The following BNC2 variants were observed in gnomAD, a reference collection of about 807,000 sequenced individuals.
BNC2 encodes the protein basonuclin zinc finger protein 2.
A neutral mutation model predicts 76.3 loss-of-function variants in BNC2; 20 were observed. That is an observed-to-expected ratio of 0.26 (90% confidence interval 0.18 to 0.38). BNC2 has a LOEUF of 0.38. BNC2 is among the 10% of genes least tolerant of loss of function. The pLI is 1.00. For missense variants in BNC2, 1,382 were observed against 1,399.8 expected, an observed-to-expected ratio of 0.99 and a Z score of 0.20; for synonymous variants, 582 against 514.8, an observed-to-expected ratio of 1.13 and a Z score of -1.77.
intron 3 of BNC2, among the ~76,000 whole-genome samples, chr9:16,603,624 C>G (rs1326850456): frequency 3.9e-5 from 6 of 152,144 alleles, no homozygotes; most frequent in African/African-American, 1.4e-4. Context: ...AGCATCCTTT[C>G]TGGTCTAAGA....
At chr9:16,678,374 T>G (rs1282677330) in intron 3 of BNC2, among the ~76,000 whole-genome samples, 2 of 139,406 alleles carry the variant, frequency 1.4e-5, no homozygotes, top group Non-Finnish European at 3.1e-5. Context: ...TGCCTCCCAA[T>G]TCTCGTGCCT....
rs1356965549 is a variant in BNC2, at chr9:16,411,386, C to T, written c.*7603G>A. 2.0e-5 allele frequency: 3 copies of T among 152,506 alleles called. No homozygotes were observed. Among genetic ancestry groups the T allele is most frequent in the African/African-American group, 7.2e-5 (3 of 41,404 alleles). 9.4% of individuals were successfully genotyped at this position (152,506 alleles called of 1,614,324 possible). ...CTTAAAATACTTCTTTCTGCTCTTCCTTCCCTTCAAAGATTCTTTTTTAAA... is the reference window on the plus strand; with the variant it reads ...CTTAAAATACTTCTTTCTGCTCTTCTTTCCCTTCAAAGATTCTTTTTTAAA... On this transcript the variant is annotated 3_prime_UTR_variant, in exon 7 of 7. Transcript: ENST00000380672.
intron 1 of BNC2, among the ~76,000 whole-genome samples, chr9:16,831,836 C>T (rs1818584654): frequency 6.6e-6 from 1 of 152,168 alleles, no homozygotes; most frequent in African/African-American, 2.4e-5. Flanking sequence ...CATAGAGACT[C>T]TCCCTAATGC....
rs1290582125 is a variant in BNC2 at position 16,550,325 on chromosome 9, C to T, written c.669+2205G>A. On this transcript the variant is annotated intron_variant, in intron 5 of 6. Transcript: ENST00000380672. Reference sequence around the variant, plus strand: ...TTATGTGTGGCCCAAAACAATTCTTCTTCCAATGTGGCCCAGGAAGCCAAA... The same window carrying T: ...TTATGTGTGGCCCAAAACAATTCTTTTTCCAATGTGGCCCAGGAAGCCAAA... 3.3e-4 allele frequency among the ~76,000 whole-genome samples: 50 copies of T among 152,166 alleles called. 3 individuals are homozygous for T. The highest frequency in any genetic ancestry group is 3.3e-3 in the Admixed American group (50 of 15,284).
chr9:16,749,794 C>T (rs1041535815), intron 1 of BNC2, among the ~76,000 whole-genome samples: 2 of 151,896 alleles, frequency 1.3e-5, no homozygotes, highest in African/African-American at 2.4e-5. Flanking sequence ...GATTAGAAAG[C>T]GTATATACAG....
intron 5 of BNC2, among the ~76,000 whole-genome samples, chr9:16,524,443 A>C (rs1031516642): frequency 5.9e-5 from 9 of 152,130 alleles, no homozygotes; most frequent in Non-Finnish European, 8.8e-5. Flanking sequence ...CCCTAAGGAA[A>C]TTTAGAAGGA....
chr9:16,790,468 T>C (rs1044850934), intron 1 of BNC2, among the ~76,000 whole-genome samples: 3 of 152,176 alleles, frequency 2.0e-5, no homozygotes, highest in Non-Finnish European at 4.4e-5. Flanking sequence ...TATTTATTTA[T>C]AAAAAACTGT....
At chr9:16,554,345 T>C (rs1200195085) in intron 4 of BNC2, among the ~76,000 whole-genome samples, 1 of 152,200 alleles carries the variant, frequency 6.6e-6, no homozygotes, top group Non-Finnish European at 1.5e-5. Context: ...AGAGAGTTCA[T>C]GTACTCTTGA....
In BNC2 at chr9:16,463,359, G is replaced by C. The variant is rs553637760; in HGVS notation, c.670-25835C>G. On this transcript the variant is annotated intron_variant, in intron 5 of 6. Transcript: ENST00000380672. The stretch of plus-strand genomic sequence containing the variant: ...TCGCCCAGGCTGGAGTGCAGTGGCG[G>C]GATCTCGGCTCACTGCAAGCTCCGC... Among the ~76,000 whole-genome samples the C allele has an allele frequency of 1.1e-3, 145 of 137,124 alleles. 1 individual carries two copies. Among genetic ancestry groups the C allele is most frequent in the African/African-American group, 1.6e-3 (49 of 31,308 alleles). 90.0% of individuals were successfully genotyped at this position (137,124 alleles called of 152,430 possible). A position where few individuals can be genotyped will look rare whatever the true frequency, so the allele number is the denominator to read the frequency against.
chr9:16,776,856 TG>T (rs1168596769), intron 1 of BNC2, among the ~76,000 whole-genome samples: 1 of 152,112 alleles, frequency 6.6e-6, no homozygotes, highest in Admixed American at 6.5e-5. Context: ...CCAGGCGTGG[TG>T]GCTCACATCT....
intron 1 of BNC2, among the ~76,000 whole-genome samples, chr9:16,863,352 G>T (rs566437364): frequency 6.6e-6 from 1 of 152,242 alleles, no homozygotes; most frequent in South Asian, 2.1e-4. Context: ...CTAAAACAAG[G>T]ATAACTTAGC....
intron 1 of BNC2, among the ~76,000 whole-genome samples, chr9:16,818,170 G>A (rs775356579): frequency 4.6e-5 from 7 of 152,018 alleles, no homozygotes; most frequent in African/African-American, 9.7e-5. Flanking sequence ...TTTGGGAGGC[G>A]GAGGTGGGCA....
intron 2 of BNC2, among the ~76,000 whole-genome samples, chr9:16,737,666 T>C (rs1298486431): frequency 1.1e-4 from 17 of 151,860 alleles, no homozygotes; most frequent in Admixed American, 1.1e-3. Context: ...CATATTTAAA[T>C]CGAAAAATGT....
chr9:16,742,042 T>A (rs1279849493), intron 1 of BNC2, among the ~76,000 whole-genome samples: 1 of 151,582 alleles, frequency 6.6e-6, no homozygotes, highest in Non-Finnish European at 1.5e-5. Context: ...TTATGCAGCA[T>A]TCTCATAGTG....
rs572649009 is a variant in BNC2, at chr9:16,478,990, G to A, written c.670-41466C>T. Among the ~76,000 whole-genome samples, 7 of 152,268 alleles carry A rather than the reference G, an allele frequency of 4.6e-5. No individual in the cohort carries two copies. In the South Asian group the frequency reaches 8.3e-4, roughly 18 times the overall value. On this transcript the variant is annotated intron_variant, in intron 5 of 6. Transcript: ENST00000380672. ...GTTGGGGCTGGGCACGGTGGCTCAC[G>A]CCTGTAATCCCAGCACTTTGGAAGG...
intron 1 of BNC2, among the ~76,000 whole-genome samples, chr9:16,799,956 G>T (rs988758744): frequency 6.6e-6 from 1 of 152,048 alleles, no homozygotes; most frequent in African/African-American, 2.4e-5. Context: ...CGGGCGCGGT[G>T]GCTCATGCCT....
At chr9:16,847,639 G>A (rs150948011) in intron 1 of BNC2, among the ~76,000 whole-genome samples, 141 of 152,106 alleles carry the variant, frequency 9.3e-4, no homozygotes, top group Middle Eastern at 6.8e-3. Context: ...AAGCTTGTCC[G>A]AGATATATCA....
intron 3 of BNC2, chr9:16,625,654 T>A (rs1464469249): frequency 1.3e-5 from 2 of 152,128 alleles, no homozygotes; most frequent in Admixed American, 6.5e-5. Flanking sequence ...GATAAAGAGA[T>A]TCTGAGGCAT....
intron 1 of BNC2, among the ~76,000 whole-genome samples, chr9:16,751,249 T>C (rs1225521987): frequency 6.9e-6 from 1 of 143,890 alleles, no homozygotes; most frequent in Non-Finnish European, 1.6e-5. Flanking sequence ...TTCTCTTAAA[T>C]TGCATTGAAA....
Sources: gnomAD v4.1 joint callset for allele counts (sites outside exome capture counted in the v4.1 genomes callset) on GRCh38, gnomAD v4.1.1 for gene constraint, MANE v1.5 for transcripts, NCBI Gene and HGNC (gene_info 2026-07-23, HGNC 2026-07-21) for gene names.